Variants in AKAP13 observed in about 807,000 individuals in gnomAD.
AKAP13 encodes the protein A-kinase anchoring protein 13.
A neutral mutation model predicts 264.5 loss-of-function variants in AKAP13; 80 were observed. The observed-to-expected ratio is 0.30, with a 90% confidence interval of 0.25 to 0.36. AKAP13 has a LOEUF of 0.36. AKAP13 is among the 10% of genes least tolerant of loss of function. AKAP13 has a pLI of 1.00. For missense variants in AKAP13, 3,712 were observed against 3,435.2 expected (o/e 1.08, Z -2.01); for synonymous variants, 1,380 against 1,250.2 (o/e 1.10, Z -2.19).
In AKAP13 at chr15:85,747,842, C is replaced by G. The variant is rs2089415038; in HGVS notation, c.*3165C>G. On this transcript the variant is annotated 3_prime_UTR_variant, in exon 37 of 37. Coordinates refer to ENST00000394518, the MANE Select transcript of AKAP13 (RefSeq NM_007200.5). Reference sequence around the variant, plus strand: ...TCTTAACTTTTTTCCCCTTCTGTGTCTCAGGGTAATACTATTCAGAGTCGC... The same window carrying G: ...TCTTAACTTTTTTCCCCTTCTGTGTGTCAGGGTAATACTATTCAGAGTCGC... 1 of 153,236 alleles carries G rather than the reference C, an allele frequency of 6.5e-6. No individual in the cohort carries two copies. The highest frequency in any genetic ancestry group is 2.4e-5 in the African/African-American group (1 of 41,424). 9.5% of individuals were successfully genotyped at this position (153,236 alleles called of 1,614,324 possible).
intron 15 of AKAP13, 123 bp downstream of exon 15, chr15:85,682,335 C>A: frequency 1.0e-6 from 1 of 973,558 alleles, no homozygotes; most frequent in Non-Finnish European, 1.5e-6. Flanking sequence ...GAGTGATAAA[C>A]TTGGAATAAT....
chr15:85,579,846 CA>C lies in AKAP13; in HGVS notation c.1782del (p.Asp595ThrfsTer7). On this transcript the variant is annotated frameshift_variant, in exon 7 of 37. Coordinates refer to ENST00000394518, the MANE Select transcript of AKAP13 (RefSeq NM_007200.5). LOFTEE classifies it high-confidence loss of function. ...DQNSVVIPAA[A>X]KDKISDGLEP... ...AATTCTGTGGTGATTCCAGCTGCTG[CA>C]AAAGACAAGATTTCAGATGGATTAG... The C allele has an allele frequency of 6.2e-7, 1 of 1,614,158 alleles. No individual in the cohort carries two copies. The highest frequency in any genetic ancestry group is 8.5e-7 in the Non-Finnish European group (1 of 1,180,034).
intron 35 of AKAP13, among the ~76,000 whole-genome samples, chr15:85,742,098 G>C (rs1567226319): frequency 6.6e-6 from 1 of 152,248 alleles, no homozygotes; most frequent in Non-Finnish European, 1.5e-5. Context: ...GGCAGAGGCA[G>C]AAAGTCTTCT....
intron 2 of AKAP13, among the ~76,000 whole-genome samples, chr15:85,495,396 C>T (rs796381352): frequency 3.3e-5 from 5 of 152,202 alleles, no homozygotes; most frequent in African/African-American, 1.2e-4. Context: ...GTATTCGATG[C>T]TGATAATTCA....
intron 17 of AKAP13, among the ~76,000 whole-genome samples, chr15:85,701,879 G>A (rs1316479243): frequency 1.3e-5 from 2 of 152,114 alleles, no homozygotes; most frequent in East Asian, 3.8e-4. Context: ...CAGAAGTAAT[G>A]TAGAAATAGT....
chr15:85,390,344 C>T (rs2070793009), intron 1 of AKAP13, among the ~76,000 whole-genome samples: 1 of 152,098 alleles, frequency 6.6e-6, no homozygotes, highest in African/African-American at 2.4e-5. Flanking sequence ...GAGATTTGAA[C>T]AGACCTGAAG....
At chr15:85,473,163 A>G (rs2075023581) in intron 1 of AKAP13, among the ~76,000 whole-genome samples, 1 of 152,170 alleles carries the variant, frequency 6.6e-6, no homozygotes, top group African/African-American at 2.4e-5. Context: ...AAGTAAATTA[A>G]TTTAGGGAAA....
At chr15:85,467,721 A>G (rs187443626) in intron 1 of AKAP13, among the ~76,000 whole-genome samples, 130 of 152,356 alleles carry the variant, frequency 8.5e-4, no homozygotes, top group African/African-American at 3.0e-3. Flanking sequence ...CGAACACAAT[A>G]TGCCTAGTAA....
intron 9 of AKAP13, among the ~76,000 whole-genome samples, chr15:85,645,018 G>A (rs776744094): frequency 1.3e-5 from 2 of 152,290 alleles, no homozygotes; most frequent in South Asian, 4.1e-4. Flanking sequence ...TACTTGGGAG[G>A]CTAAGGTGTG....
chr15:85,707,158 A>G (rs1196936835), intron 17 of AKAP13, among the ~76,000 whole-genome samples: 2 of 152,044 alleles, frequency 1.3e-5, no homozygotes, highest in Non-Finnish European at 2.9e-5. Context: ...CCACAGGCCG[A>G]TCTTTCATTT....
At chr15:85,725,658 A>T (rs1039487600) in intron 26 of AKAP13, among the ~76,000 whole-genome samples, 6 of 152,144 alleles carry the variant, frequency 3.9e-5, no homozygotes, top group Non-Finnish European at 5.9e-5. Flanking sequence ...TGTGGACTTC[A>T]CTTTCCACAG....
At position 85,578,948 on chromosome 15, in the gene AKAP13, A is replaced by G. The variant is rs765785563; in HGVS notation, c.880A>G (p.Met294Val). The G allele has an allele frequency of 5.6e-6, 9 of 1,610,604 alleles. No homozygotes were observed. Among genetic ancestry groups the G allele is most frequent in the South Asian group, 1.1e-5 (1 of 91,010 alleles). Residue 294 changes from methionine (M) to valine (V), a missense_variant, in exon 7 of 37, where the codon ATG becomes GTG. Around this residue, in one of 3 missense-constraint regions of AKAP13, gnomAD observed 2,759 missense variants for 2,411.7 expected, o/e 1.14. Transcript: ENST00000394518. Reference protein sequence around the residue: ...QQLMKTNLKQMDSLMPLMMTA... With the variant: ...QQLMKTNLKQVDSLMPLMMTA... ...CTCCTAGAAAACAAACCTCAAGCAG[A>G]TGGACAGTCTTATGCCCTTAATGAT...
At chr15:85,494,957 G>A (rs903279231) in intron 2 of AKAP13, among the ~76,000 whole-genome samples, 2 of 152,068 alleles carry the variant, frequency 1.3e-5, no homozygotes, top group Admixed American at 6.5e-5. Context: ...AACAGGTGAG[G>A]ATTATACTGT....
At chr15:85,487,062 A>C (rs1011364180) in intron 2 of AKAP13, among the ~76,000 whole-genome samples, 1 of 152,140 alleles carries the variant, frequency 6.6e-6, no homozygotes, top group African/African-American at 2.4e-5. Context: ...TTCATTGCTT[A>C]TATATAGAAA....
intron 8 of AKAP13, among the ~76,000 whole-genome samples, chr15:85,603,141 T>C (rs2080166481): frequency 6.6e-6 from 1 of 152,262 alleles, no homozygotes; most frequent in Admixed American, 6.5e-5. Flanking sequence ...AGTCATTCTT[T>C]TAAGTAAAGT....
intron 1 of AKAP13, among the ~76,000 whole-genome samples, chr15:85,480,659 A>G (rs1292515204): frequency 6.6e-6 from 1 of 151,980 alleles, no homozygotes; most frequent in Admixed American, 6.6e-5. Flanking sequence ...AGATGTATAA[A>G]GCTGTTGGAT....
intron 13 of AKAP13, among the ~76,000 whole-genome samples, chr15:85,665,703 G>A (rs1010895974): frequency 4.0e-5 from 6 of 151,834 alleles, no homozygotes; most frequent in African/African-American, 9.7e-5. Flanking sequence ...AACAGGCCCC[G>A]GTGTGTGATG....
chr15:85,736,366 T>G (rs1347900212), intron 33 of AKAP13, among the ~76,000 whole-genome samples: 2 of 152,178 alleles, frequency 1.3e-5, no homozygotes, highest in African/African-American at 4.8e-5. Context: ...CCTGCTAAGA[T>G]GGCCTTTGAT....
intron 29 of AKAP13, among the ~76,000 whole-genome samples, chr15:85,729,315 A>C (rs547224605): frequency 6.6e-6 from 1 of 152,028 alleles, no homozygotes; most frequent in South Asian, 2.1e-4. Context: ...CTCTGTCTCA[A>C]AAAAAAAGAG....
Sources: allele counts gnomAD v4.1 joint callset (sites outside exome capture counted in the v4.1 genomes callset), GRCh38; gene constraint gnomAD v4.1.1; regional missense constraint gnomAD v4.1.1; transcripts MANE v1.5; gene names NCBI Gene and HGNC (gene_info 2026-07-23, HGNC 2026-07-21).